Variants in DCAF5 observed in about 807,000 individuals in gnomAD.
The protein encoded by DCAF5 is DDB1- and CUL4-associated factor 5.
Under a neutral mutation model 80.7 loss-of-function variants are expected in DCAF5, and 9 were observed. The ratio of observed to expected loss-of-function variants is 0.11; its 90% CI spans 0.07 to 0.19. DCAF5 has a LOEUF of 0.19. Among genes scored for constraint, DCAF5 ranks in the 10% least tolerant of loss-of-function variants. The probability of loss-of-function intolerance (pLI) is 1.00; values close to 1 mark genes in which losing one functional copy is unlikely to be tolerated. For missense variants in DCAF5, 842 were observed against 1,205.7 expected, an observed-to-expected ratio of 0.70 and a Z score of 4.47; for synonymous variants, 433 against 461.9, an observed-to-expected ratio of 0.94 and a Z score of 0.80.
intron 1 of DCAF5, among the ~76,000 whole-genome samples, chr14:69,129,808 C>T (rs1020115976): frequency 2.0e-5 from 3 of 152,176 alleles, no homozygotes; most frequent in Non-Finnish European, 4.4e-5. Flanking sequence ...TTCTCAGTGC[C>T]AGTGCCAGGC....
intron 5 of DCAF5, among the ~76,000 whole-genome samples, chr14:69,097,434 G>C (rs978856643): frequency 1.3e-5 from 2 of 151,744 alleles, no homozygotes; most frequent in Non-Finnish European, 2.9e-5. Flanking sequence ...CTGCATCCTC[G>C]TACACCCACA....
intron 5 of DCAF5, among the ~76,000 whole-genome samples, chr14:69,093,354 T>C (rs2039595228): frequency 6.6e-6 from 1 of 152,216 alleles, no homozygotes; most frequent in South Asian, 2.1e-4. Context: ...GAAAAAAGTT[T>C]ATAAATTCTG....
intron 1 of DCAF5, among the ~76,000 whole-genome samples, chr14:69,151,041 C>G (rs2041686075): frequency 6.6e-6 from 1 of 152,202 alleles, no homozygotes; most frequent in Admixed American, 6.5e-5. Context: ...CTGGGAACTT[C>G]TCTGTTGTAA....
At chr14:69,107,616 G>C (rs923058728) in intron 5 of DCAF5, among the ~76,000 whole-genome samples, 3 of 152,144 alleles carry the variant, frequency 2.0e-5, no homozygotes, top group African/African-American at 7.2e-5. Flanking sequence ...AAGCTACAAA[G>C]CAACTTCACC....
chr14:69,138,006 C>T (rs1390780421), intron 1 of DCAF5, among the ~76,000 whole-genome samples: 1 of 152,084 alleles, frequency 6.6e-6, no homozygotes, highest in Non-Finnish European at 1.5e-5. Flanking sequence ...GAAACTCATC[C>T]CCCACAGATG....
chr14:69,112,644 T>TA (rs2040413802), intron 5 of DCAF5, among the ~76,000 whole-genome samples: 1 of 145,274 alleles, frequency 6.9e-6, no homozygotes, highest in Non-Finnish European at 1.5e-5. Context: ...ACACACAAGT[T>TA]ATTTCACCTC....
At position 69,054,463 on chromosome 14, in the gene DCAF5, G is replaced by T. The variant is rs561835194; in HGVS notation, c.2223C>A (p.Pro741=). The change falls in exon 9 of 9, where the codon CCC becomes CCA. Residue 741 remains proline (P), a synonymous_variant. Transcript: ENST00000341516. ...TGTGCTCATGGCCTGGGCCATTGCT[G>T]GGAGTTCTAGGAGTCTCTTCTTTAA... ...DTFKEETPRT[P]SNGPGHEHSS... 1 of 1,613,888 alleles carries T rather than the reference G, an allele frequency of 6.2e-7. No homozygotes were observed. Among genetic ancestry groups the T allele is most frequent in the South Asian group, 1.1e-5 (1 of 91,086 alleles).
chr14:69,051,857 T>C lies in DCAF5; in HGVS notation c.*2000A>G, dbSNP rs1043853518. 8.5e-5 allele frequency: 13 copies of C among 152,404 alleles called. No homozygotes were observed. Among genetic ancestry groups the C allele is most frequent in the African/African-American group, 3.1e-4 (13 of 41,398 alleles). The allele number at this position is 152,404 out of a possible 1,614,324, so 9.4% of individuals were successfully genotyped here. On this transcript the variant is annotated 3_prime_UTR_variant, in exon 9 of 9. Transcript: ENST00000341516. Reference sequence around the variant, plus strand: ...GAGAAACACACACTGAGTGATCGTATTTTTTTTGTATATAAAGGATTAAAA... The same window carrying C: ...GAGAAACACACACTGAGTGATCGTACTTTTTTTGTATATAAAGGATTAAAA...
intron 7 of DCAF5, among the ~76,000 whole-genome samples, chr14:69,068,065 C>A (rs2038532920): frequency 6.6e-6 from 1 of 152,198 alleles, no homozygotes; most frequent in African/African-American, 2.4e-5. Flanking sequence ...CCAATCTTCC[C>A]AAATCTCTTC....
intron 1 of DCAF5, among the ~76,000 whole-genome samples, chr14:69,129,412 C>T (rs1449652619): frequency 6.6e-6 from 1 of 152,156 alleles, no homozygotes; most frequent in Non-Finnish European, 1.5e-5. Flanking sequence ...CAAATTGAGG[C>T]ATAATGTAAA....
chr14:69,150,167 T>C (rs774752539), intron 1 of DCAF5, among the ~76,000 whole-genome samples: 7 of 152,024 alleles, frequency 4.6e-5, no homozygotes, highest in Non-Finnish European at 1.0e-4. Flanking sequence ...AGCGATGGAA[T>C]AGCCTGCTGA....
intron 5 of DCAF5, among the ~76,000 whole-genome samples, chr14:69,112,217 T>C (rs1323877624): frequency 4.6e-5 from 7 of 152,182 alleles, no homozygotes; most frequent in Admixed American, 3.3e-4. Flanking sequence ...ATAAATAGTA[T>C]ATGCAGATTT....
chr14:69,118,037 C>T lies in DCAF5; in HGVS notation c.535+102G>A, dbSNP rs2040593951. On this transcript the variant is annotated intron_variant, in intron 4 of 8. Transcript: ENST00000341516. This position sits in a 1 kb window ranked among gnomAD's most constrained non-coding sequence, Gnocchi z 4.0. ...GTGTTTCACATTTCCTTTCCCTTGA[C>T]ATCACTTGCACATAGATACTGAGGT... 4.7e-6 allele frequency: 7 copies of T among 1,483,258 alleles called. No homozygotes were observed. Among genetic ancestry groups the T allele is most frequent in the Non-Finnish European group, 6.5e-6 (7 of 1,078,192 alleles). 91.9% of individuals were successfully genotyped at this position (1,483,258 alleles called of 1,614,324 possible). A position where few individuals can be genotyped will look rare whatever the true frequency, so the allele number is the denominator to read the frequency against.
At position 69,119,248 on chromosome 14, in the gene DCAF5, A is replaced by G; in HGVS notation, c.359-18T>C. The G allele has an allele frequency of 6.2e-7, 1 of 1,612,996 alleles. No individual in the cohort carries two copies. Among genetic ancestry groups the G allele is most frequent in the Non-Finnish European group, 8.5e-7 (1 of 1,179,648 alleles). On this transcript the variant is annotated intron_variant, in intron 2 of 8. Transcript: ENST00000341516. The stretch of plus-strand genomic sequence containing the variant: ...ATCATTGCCTGCAAAAGAAAAAAGC[A>G]GACATCTGATCATTCGTGCAAGGTG...
chr14:69,099,403 A>C (rs1394973796), intron 5 of DCAF5, among the ~76,000 whole-genome samples: 2 of 151,884 alleles, frequency 1.3e-5, no homozygotes, highest in African/African-American at 4.8e-5. Flanking sequence ...ACAGCATAAA[A>C]TCAGATAAAC....
chr14:69,102,591 GACACAC>G (rs143602483), intron 5 of DCAF5, among the ~76,000 whole-genome samples: 1 of 124,910 alleles, frequency 8.0e-6, no homozygotes, highest in South Asian at 2.9e-4. Context: ...TAAAAACAAA[GACACAC>G]ACACACACAC....
intron 1 of DCAF5, among the ~76,000 whole-genome samples, chr14:69,131,433 GAC>G (rs1400085226): frequency 2.0e-5 from 3 of 152,018 alleles, no homozygotes; most frequent in Non-Finnish European, 4.4e-5. Flanking sequence ...CAGTCTGTGT[GAC>G]ACACAGCCCA....
intron 1 of DCAF5, among the ~76,000 whole-genome samples, chr14:69,126,222 A>T (rs923360122): frequency 2.0e-5 from 3 of 150,760 alleles, no homozygotes; most frequent in Non-Finnish European, 2.9e-5. Flanking sequence ...CAATGGCGCA[A>T]TCTCAGCTCA....
intron 1 of DCAF5, among the ~76,000 whole-genome samples, chr14:69,123,326 A>G (rs987368613): frequency 2.0e-5 from 3 of 152,252 alleles, no homozygotes; most frequent in African/African-American, 7.2e-5. Context: ...CCTGGCACCT[A>G]CATGAGTGCT....
Sources: allele counts gnomAD v4.1 joint callset (sites outside exome capture counted in the v4.1 genomes callset), GRCh38; gene constraint gnomAD v4.1.1; non-coding constraint Gnocchi (gnomAD v3.1); transcripts MANE v1.5; gene names NCBI Gene and HGNC (gene_info 2026-07-23, HGNC 2026-07-21).